Variants in TANK observed in about 807,000 individuals in gnomAD.
TANK encodes TRAF family member associated NFKB activator.
A neutral mutation model predicts 43.6 loss-of-function variants in TANK; 15 were observed. That is an observed-to-expected ratio of 0.34 (90% CI 0.23 to 0.53). The LOEUF (loss-of-function observed/expected upper bound fraction) is 0.53, where lower values mean the gene tolerates loss of function less well. TANK is among the 20% of genes least tolerant of loss of function. The pLI, the probability that TANK is intolerant of heterozygous loss-of-function variation, is 0.94. For missense variants in TANK, 417 were observed against 498.6 expected, an observed-to-expected ratio of 0.84 and a Z score of 1.56; for synonymous variants, 162 against 178.2, an observed-to-expected ratio of 0.91 and a Z score of 0.73.
intron 1 of TANK, among the ~76,000 whole-genome samples, chr2:161,145,658 C>T (rs1683889671): frequency 6.6e-6 from 1 of 151,960 alleles, no homozygotes; most frequent in Non-Finnish European, 1.5e-5. Flanking sequence ...CCCCCACTCT[C>T]TTCTGGCTTG....
intron 1 of TANK, among the ~76,000 whole-genome samples, chr2:161,140,369 A>T (rs1251287016): frequency 3.3e-5 from 5 of 152,042 alleles, no homozygotes; most frequent in Non-Finnish European, 2.9e-5. Context: ...CTTTTTAAAA[A>T]TTTTTCAAAT....
At chr2:161,206,549 TTC>T (rs1488503175) in intron 4 of TANK, among the ~76,000 whole-genome samples, 1 of 152,132 alleles carries the variant, frequency 6.6e-6, no homozygotes, top group East Asian at 1.9e-4. Flanking sequence ...GAATAAGAAG[TTC>T]TCTTGGTACC....
At chr2:161,144,696 T>G (rs1057231760) in intron 1 of TANK, among the ~76,000 whole-genome samples, 1 of 152,214 alleles carries the variant, frequency 6.6e-6, no homozygotes, top group Non-Finnish European at 1.5e-5. Flanking sequence ...TTGCATTTGC[T>G]GAGGAGTGTT....
intron 2 of TANK, among the ~76,000 whole-genome samples, chr2:161,194,209 A>G (rs1224827581): frequency 6.6e-6 from 1 of 151,996 alleles, no homozygotes; most frequent in African/African-American, 2.4e-5. Flanking sequence ...AGGTTATAGA[A>G]AACCTGCAGC....
chr2:161,203,200 A>C (rs1341838087), intron 2 of TANK, among the ~76,000 whole-genome samples: 1 of 152,080 alleles, frequency 6.6e-6, no homozygotes, highest in African/African-American at 2.4e-5. Context: ...GCTAAATTAC[A>C]GTTTTGATCC....
intron 2 of TANK, among the ~76,000 whole-genome samples, chr2:161,198,154 G>T (rs917179642): frequency 1.3e-5 from 2 of 152,124 alleles, no homozygotes; most frequent in Admixed American, 1.3e-4. Context: ...GACAATAGTG[G>T]GACAAACAGG....
At chr2:161,190,762 CAG>C (rs1369458434) in intron 2 of TANK, among the ~76,000 whole-genome samples, 2 of 151,890 alleles carry the variant, frequency 1.3e-5, no homozygotes, top group Non-Finnish European at 2.9e-5. Context: ...TTGATAAAGA[CAG>C]AAAGTAGAAG....
chr2:161,203,752 T>G (rs1028524444), intron 3 of TANK, among the ~76,000 whole-genome samples, 157 bp downstream of exon 3: 6 of 152,138 alleles, frequency 3.9e-5, no homozygotes, highest in African/African-American at 1.4e-4. Flanking sequence ...AATGAACACT[T>G]GCAGGATATG....
intron 4 of TANK, chr2:161,207,350 C>T (rs1172181448): frequency 8.5e-5 from 81 of 947,680 alleles, no homozygotes; most frequent in Non-Finnish European, 1.0e-4. Context: ...ATTATCTTTA[C>T]TAATAGGGGA....
At chr2:161,156,667 AG>A (rs201679702), upstream of TANK, among the ~76,000 whole-genome samples, 1 of 4,518 alleles carries the variant, frequency 2.2e-4, no homozygotes, top group Non-Finnish European at 5.1e-4. Flanking sequence ...GATGCTATTA[AG>A]TTCTTCAGCA....
chr2:161,179,406 C>T (rs1004578755), intron 1 of TANK: 2 of 429,782 alleles, frequency 4.7e-6, no homozygotes, highest in East Asian at 3.5e-5. Context: ...CCCACTTGCT[C>T]CTTGAACATT....
chr2:161,166,085 G>T (rs1418951031), intron 1 of TANK, among the ~76,000 whole-genome samples: 1 of 152,224 alleles, frequency 6.6e-6, no homozygotes. Flanking sequence ...ATTTCACCAA[G>T]TTCTAACATC....
At chr2:161,223,433 A>G (rs1402989514) in intron 4 of TANK, 1 of 152,158 alleles carries the variant, frequency 6.6e-6, no homozygotes, top group Non-Finnish European at 1.5e-5. Flanking sequence ...AAGGAGCTGT[A>G]GCTTGGTTTT....
At chr2:161,198,038 C>G (rs1198365883) in intron 2 of TANK, among the ~76,000 whole-genome samples, 1 of 152,164 alleles carries the variant, frequency 6.6e-6, no homozygotes, top group African/African-American at 2.4e-5. Context: ...CATCTTAACA[C>G]TATCTAAGTC....
chr2:161,161,219 T>G, intron 1 of TANK: 1 of 1,533,760 alleles, frequency 6.5e-7, no homozygotes, highest in South Asian at 1.2e-5. Flanking sequence ...GCCTTTATTG[T>G]TATGCTATAA....
At chr2:161,223,888 T>C (rs752440611) in intron 4 of TANK, 27 bp from the exon 5 acceptor site, 1 of 1,473,244 alleles carries the variant, frequency 6.8e-7, no homozygotes, top group East Asian at 2.3e-5. Flanking sequence ...TTTAAAGTAG[T>C]AATAGTAATC....
intron 2 of TANK, among the ~76,000 whole-genome samples, chr2:161,197,024 C>T (rs1043367686): frequency 2.6e-5 from 4 of 152,088 alleles, no homozygotes; most frequent in Non-Finnish European, 5.9e-5. Context: ...AAGTGTGATA[C>T]GTATACACAC....
intron 1 of TANK, among the ~76,000 whole-genome samples, chr2:161,144,144 G>T (rs557502645): frequency 6.6e-6 from 1 of 152,236 alleles, no homozygotes; most frequent in African/African-American, 2.4e-5. Flanking sequence ...ATTTCTGTGA[G>T]GTCAGAGGTG....
At chr2:161,180,661 C>G (rs1420348952) in intron 2 of TANK, among the ~76,000 whole-genome samples, 3 of 152,044 alleles carry the variant, frequency 2.0e-5, no homozygotes, top group African/African-American at 7.2e-5. Context: ...CCAATTTCAC[C>G]TACACGTTCT....
Sources: gnomAD v4.1 joint callset for allele counts (sites outside exome capture counted in the v4.1 genomes callset) on GRCh38, gnomAD v4.1.1 for gene constraint, MANE v1.5 for transcripts, NCBI Gene and HGNC (gene_info 2026-07-23, HGNC 2026-07-21) for gene names.